Variants in GRM7 observed in about 807,000 individuals in gnomAD.
The protein encoded by GRM7 is glutamate metabotropic receptor 7, also known as metabotropic glutamate receptor 7.
Under a neutral mutation model 84.5 loss-of-function variants are expected in GRM7, and 35 were observed. The ratio of observed to expected loss-of-function variants is 0.41; its 90% CI spans 0.32 to 0.55. GRM7 has a LOEUF of 0.55. GRM7 is among the 20% of genes least tolerant of loss of function. The pLI, the probability that GRM7 is intolerant of heterozygous loss-of-function variation, is 0.19. For missense variants in GRM7, 1,003 were observed against 1,194.6 expected, an observed-to-expected ratio of 0.84 and a Z score of 2.36; for synonymous variants, 487 against 455.1, an observed-to-expected ratio of 1.07 and a Z score of -0.89.
Position 7,206,997 on chromosome 3 carries a change from A to C in GRM7, c.736+60329A>C, listed in dbSNP as rs971570946. ...GGAGTTATGGCTAAAGATGATTTGC[A>C]TACAGACAGTTTGGATGGAAATAAG... On this transcript the variant is annotated intron_variant, in intron 2 of 9. Transcript: ENST00000357716. Among the ~76,000 whole-genome samples the C allele has an allele frequency of 2.0e-5, 3 of 152,224 alleles. No homozygotes were observed. The East Asian group carries it at 5.8e-4, about 29-fold the overall frequency.
intron 7 of GRM7, among the ~76,000 whole-genome samples, chr3:7,517,081 T>A (rs562805991): frequency 6.6e-6 from 1 of 152,186 alleles, no homozygotes; most frequent in South Asian, 2.1e-4. Context: ...ACACTCTGCA[T>A]CTCTCTTGGA....
chr3:7,246,090 AT>A (rs1008471116), intron 2 of GRM7, among the ~76,000 whole-genome samples: 1 of 152,066 alleles, frequency 6.6e-6, no homozygotes, highest in East Asian at 1.9e-4. Context: ...CTTTAACACA[AT>A]TTTTTTTCTT....
chr3:6,877,809 T>TCA (rs3220585), intron 1 of GRM7, among the ~76,000 whole-genome samples: 4,976 of 145,548 alleles, frequency 0.034, 94 homozygotes, highest in Middle Eastern at 0.083. Context: ...TACACAGATA[T>TCA]CACACACACA....
rs1553558163 is a variant in GRM7 at position 7,313,962 on chromosome 3, T to TGTTTAAAA, written c.1033+7310_1033+7311insGTTTAAAA. On this transcript the variant is annotated intron_variant, in intron 4 of 9. Coordinates refer to ENST00000357716, the MANE Select transcript of GRM7 (RefSeq NM_000844.4). Reference sequence around the variant, plus strand: ...ATTTAATATTTTAAACAAATACCCTTTGTGTTGAAATTAGAAATGTATAAA... The same window carrying TGTTTAAAA: ...ATTTAATATTTTAAACAAATACCCTTGTTTAAAATGTGTTGAAATTAGAAATGTATAAA... 6.4e-4 allele frequency among the ~76,000 whole-genome samples: 97 copies of TGTTTAAAA among 151,974 alleles called. 1 individual carries two copies. The highest frequency in any genetic ancestry group is 3.4e-3 in the Middle Eastern group (1 of 294).
intron 1 of GRM7, among the ~76,000 whole-genome samples, chr3:7,076,232 A>G (rs1297611744): frequency 6.6e-6 from 1 of 152,140 alleles, no homozygotes; most frequent in Non-Finnish European, 1.5e-5. Context: ...GTAAAGTTAA[A>G]TAAAAATAGT....
intron 1 of GRM7, among the ~76,000 whole-genome samples, chr3:6,885,416 T>G (rs2124970913): frequency 6.6e-6 from 1 of 152,348 alleles, no homozygotes; most frequent in African/African-American, 2.4e-5. Context: ...TCCAGGTTGT[T>G]GCCGTGAAAA....
At chr3:7,268,872 A>C (rs1698744425) in intron 2 of GRM7, among the ~76,000 whole-genome samples, 1 of 152,192 alleles carries the variant, frequency 6.6e-6, no homozygotes, top group South Asian at 2.1e-4. Flanking sequence ...TTTTGGTTTG[A>C]TTTGGTGGAC....
chr3:7,562,421 AGT>A (rs1244496472), intron 7 of GRM7, among the ~76,000 whole-genome samples: 16 of 152,042 alleles, frequency 1.1e-4, no homozygotes, highest in Non-Finnish European at 4.4e-5. Flanking sequence ...TCAAATATAG[AGT>A]CATATTTGGT....
chr3:7,345,532 C>T (rs1243579497), intron 4 of GRM7, among the ~76,000 whole-genome samples: 3 of 152,086 alleles, frequency 2.0e-5, no homozygotes, highest in Non-Finnish European at 4.4e-5. Flanking sequence ...GATCTGTCAG[C>T]CTTGGCCTCC....
intron 5 of GRM7, among the ~76,000 whole-genome samples, chr3:7,441,757 T>C (rs1441872049): frequency 6.6e-6 from 1 of 152,198 alleles, no homozygotes; most frequent in Non-Finnish European, 1.5e-5. Context: ...TTGGTCATTT[T>C]TGTCACCTTT....
chr3:6,891,824 G>A (rs536858932), intron 1 of GRM7, among the ~76,000 whole-genome samples: 2 of 152,316 alleles, frequency 1.3e-5, no homozygotes, highest in South Asian at 2.1e-4. Flanking sequence ...ATCCTGCAGA[G>A]TGTTTTCCAA....
intron 9 of GRM7, among the ~76,000 whole-genome samples, chr3:7,735,968 C>T (rs924465358): frequency 6.6e-6 from 1 of 152,174 alleles, no homozygotes; most frequent in African/African-American, 2.4e-5. Flanking sequence ...AAATGGCTCT[C>T]CCATATAAAT....
intron 8 of GRM7, among the ~76,000 whole-genome samples, chr3:7,669,267 G>A (rs1430958743): frequency 6.6e-6 from 1 of 152,188 alleles, no homozygotes. Context: ...ATTTAGACTT[G>A]AAGGCCAGAA....
At chr3:7,147,302 G>C (rs753298584) in intron 2 of GRM7, among the ~76,000 whole-genome samples, 2 of 152,110 alleles carry the variant, frequency 1.3e-5, no homozygotes, top group Non-Finnish European at 2.9e-5. Flanking sequence ...CTTCCAGTGG[G>C]CAGATTTTGA....
intron 7 of GRM7, among the ~76,000 whole-genome samples, 172 bp downstream of exon 7, chr3:7,461,894 C>T (rs3817365): frequency 0.099 from 14,996 of 152,060 alleles, 884 homozygotes; most frequent in South Asian, 0.24. Context: ...ATGGTGATGA[C>T]GATGATGGGA....
intron 7 of GRM7, among the ~76,000 whole-genome samples, chr3:7,493,624 C>G (rs1699600833): frequency 6.6e-6 from 1 of 151,776 alleles, no homozygotes; most frequent in Admixed American, 6.6e-5. Flanking sequence ...ATTTTTTATC[C>G]ATTTTACTAA....
intron 1 of GRM7, among the ~76,000 whole-genome samples, chr3:6,918,391 G>T (rs548640669): frequency 2.6e-5 from 4 of 152,128 alleles, no homozygotes. Context: ...GTCTGGTGAG[G>T]TATTTAGGTT....
intron 2 of GRM7, among the ~76,000 whole-genome samples, chr3:7,168,258 T>G (rs1694870638): frequency 6.6e-6 from 1 of 152,172 alleles, no homozygotes; most frequent in Non-Finnish European, 1.5e-5. Flanking sequence ...TCAGTGATTG[T>G]AAATATAATT....
intron 2 of GRM7, among the ~76,000 whole-genome samples, chr3:7,245,864 A>G (rs1303080450): frequency 6.6e-6 from 1 of 152,136 alleles, no homozygotes; most frequent in African/African-American, 2.4e-5. Context: ...TACATGAAGA[A>G]ATTGTTCATT....
Sources: gnomAD v4.1 joint callset for allele counts (sites outside exome capture counted in the v4.1 genomes callset) on GRCh38, gnomAD v4.1.1 for gene constraint, MANE v1.5 for transcripts, NCBI Gene and HGNC (gene_info 2026-07-23, HGNC 2026-07-21) for gene names.